FRMD4A: variants seen among roughly 807,000 people sequenced by gnomAD.
FRMD4A encodes the protein FERM domain-containing protein 4A.
FRMD4A carries 29 observed loss-of-function variants against 129.1 expected under a neutral mutation model. That is an observed-to-expected ratio of 0.22 (90% CI 0.17 to 0.31). FRMD4A has a LOEUF of 0.31. Ranked by LOEUF, FRMD4A falls within the 10% of genes least tolerant of loss-of-function variation. The pLI is 1.00. For synonymous variants in FRMD4A, 634 were observed against 571.6 expected, an observed-to-expected ratio of 1.11 and a Z score of -1.56; for missense variants, 1,272 against 1,375.8, an observed-to-expected ratio of 0.92 and a Z score of 1.19.
chr10:14,007,835 C>T (rs944865743), intron 2 of FRMD4A, among the ~76,000 whole-genome samples: 2 of 152,074 alleles, frequency 1.3e-5, no homozygotes, highest in Non-Finnish European at 2.9e-5. Flanking sequence ...TCTAAGAGCA[C>T]CCCTCCCCCA....
intron 2 of FRMD4A, among the ~76,000 whole-genome samples, chr10:14,130,429 T>TA (rs1305820585): frequency 6.6e-6 from 1 of 152,040 alleles, no homozygotes; most frequent in African/African-American, 2.4e-5. Context: ...TCAGGCTAAT[T>TA]AAAAATTTTT....
At chr10:13,867,712 CAT>C (rs1390916408) in intron 2 of FRMD4A, among the ~76,000 whole-genome samples, 2 of 3,498 alleles carry the variant, frequency 5.7e-4, no homozygotes, top group East Asian at 0.056. Flanking sequence ...TAATAAATAA[CAT>C]ATAATATAAT....
chr10:14,194,477 G>A (rs1373843086), intron 2 of FRMD4A, among the ~76,000 whole-genome samples: 8 of 152,180 alleles, frequency 5.3e-5, no homozygotes, highest in Non-Finnish European at 1.0e-4. Context: ...CGGGCGTGGT[G>A]GCAGGCACCT....
intron 15 of FRMD4A, among the ~76,000 whole-genome samples, chr10:13,688,404 GA>G (rs1455019032): frequency 6.6e-6 from 1 of 151,844 alleles, no homozygotes; most frequent in Non-Finnish European, 1.5e-5. Flanking sequence ...TGGGGTGGGG[GA>G]CAGGGGGAGG....
chr10:13,948,476 G>A (rs1384046871), intron 2 of FRMD4A, among the ~76,000 whole-genome samples: 1 of 152,078 alleles, frequency 6.6e-6, no homozygotes, highest in Non-Finnish European at 1.5e-5. Context: ...CAGCAGACAA[G>A]TGACTTATAC....
At chr10:13,743,421 A>G (rs1259285799) in intron 9 of FRMD4A, among the ~76,000 whole-genome samples, 2 of 152,160 alleles carry the variant, frequency 1.3e-5, no homozygotes, top group African/African-American at 4.8e-5. Context: ...TCCAGGGTCA[A>G]GCAACTCAGT....
intron 2 of FRMD4A, among the ~76,000 whole-genome samples, chr10:13,872,594 G>C (rs994798674): frequency 1.8e-4 from 27 of 152,246 alleles, no homozygotes; most frequent in African/African-American, 6.3e-4. Context: ...TTCTGCAAGG[G>C]CAGCTGGGAG....
At chr10:14,137,428 A>G (rs7097769) in intron 2 of FRMD4A, among the ~76,000 whole-genome samples, 101,735 of 151,892 alleles carry the variant, frequency 0.67, 34,528 homozygotes, top group East Asian at 0.8. Context: ...CTTTGAGTTG[A>G]TTTGGTGTCT....
chr10:13,734,035 T>C (rs150279421), intron 12 of FRMD4A, among the ~76,000 whole-genome samples: 143 of 152,344 alleles, frequency 9.4e-4, no homozygotes, highest in African/African-American at 2.8e-3. Flanking sequence ...CCGCGTTGCA[T>C]GTCCTAAGCT....
intron 2 of FRMD4A, among the ~76,000 whole-genome samples, chr10:14,137,505 A>G (rs1839600127): frequency 6.6e-6 from 1 of 152,152 alleles, no homozygotes; most frequent in Admixed American, 6.5e-5. Context: ...CTTGAATGCT[A>G]TCAGCACATA....
chr10:13,693,966 G>A lies in FRMD4A; in HGVS notation c.1049C>T (p.Ser350Leu), dbSNP rs144585761. 13 of 1,581,022 alleles carry A rather than the reference G, an allele frequency of 8.2e-6. No individual in the cohort carries two copies. The Admixed American group carries it at 1.5e-4, about 18-fold the overall frequency. ...CTTGCTACCCATGTTGGCCAGCTTC[G>A]AGGTCTTCAGCGTCCCCGTCTCGGT... ...DLTETGTLKT[S>L]KLANMGSKGK... Residue 350 changes from serine (S) to leucine (L), a missense_variant, in exon 15 of 25, where the codon TCG becomes TTG. Coordinates refer to ENST00000357447, the MANE Select transcript of FRMD4A (RefSeq NM_018027.5).
At chr10:14,210,629 C>T (rs1349428636) in intron 2 of FRMD4A, among the ~76,000 whole-genome samples, 4 of 152,204 alleles carry the variant, frequency 2.6e-5, no homozygotes, top group East Asian at 1.9e-4. Flanking sequence ...ATGGACAAGT[C>T]AGGGTCCTGG....
At chr10:13,934,011 G>T (rs2095226864) in intron 2 of FRMD4A, among the ~76,000 whole-genome samples, 1 of 152,186 alleles carries the variant, frequency 6.6e-6, no homozygotes, top group Non-Finnish European at 1.5e-5. Flanking sequence ...AACTAAGGTT[G>T]TAAAGGAACA....
chr10:13,838,135 C>T (rs777075754), intron 3 of FRMD4A, among the ~76,000 whole-genome samples: 1 of 152,172 alleles, frequency 6.6e-6, no homozygotes. Flanking sequence ...GTTGCCCAGG[C>T]CTGAGTGCAG....
chr10:14,014,542 C>T (rs980469273), intron 2 of FRMD4A, among the ~76,000 whole-genome samples: 4 of 152,268 alleles, frequency 2.6e-5, no homozygotes, highest in East Asian at 1.9e-4. Context: ...ATTCATGTCA[C>T]GTCTCATTAG....
intron 2 of FRMD4A, among the ~76,000 whole-genome samples, chr10:13,946,021 A>T (rs1334623290): frequency 6.6e-6 from 1 of 152,210 alleles, no homozygotes; most frequent in African/African-American, 2.4e-5. Context: ...ATGCACCAGC[A>T]CGTAGTTAGG....
intron 2 of FRMD4A, among the ~76,000 whole-genome samples, chr10:14,115,187 G>C (rs2131801822): frequency 6.6e-6 from 1 of 152,260 alleles, no homozygotes; most frequent in African/African-American, 2.4e-5. Flanking sequence ...GTGTTTTATA[G>C]TAACAGCACA....
intron 2 of FRMD4A, among the ~76,000 whole-genome samples, chr10:14,265,280 T>A (rs1844940182): frequency 2.6e-5 from 4 of 152,334 alleles, no homozygotes; most frequent in Non-Finnish European, 4.4e-5. Context: ...GTCCTTTTTT[T>A]AAAACCTTTC....
intron 2 of FRMD4A, among the ~76,000 whole-genome samples, chr10:14,118,336 G>A (rs67234676): frequency 0.29 from 44,026 of 152,076 alleles, 6,728 homozygotes; most frequent in East Asian, 0.5. Flanking sequence ...GTCACAGAGA[G>A]TCTTGGGGGA....
Sources: gnomAD v4.1 joint callset for allele counts (sites outside exome capture counted in the v4.1 genomes callset) on GRCh38, gnomAD v4.1.1 for gene constraint, MANE v1.5 for transcripts, NCBI Gene and HGNC (gene_info 2026-07-23, HGNC 2026-07-21) for gene names.